The following SEC23IP variants were observed in gnomAD, a reference collection of about 807,000 sequenced individuals.
The protein encoded by SEC23IP is SEC23 interacting protein, also known as SEC23-interacting protein.
Under a neutral mutation model 113.4 loss-of-function variants are expected in SEC23IP, and 70 were observed. The observed-to-expected ratio is 0.62, with a 90% CI of 0.51 to 0.75. The LOEUF is 0.75. Ranked by LOEUF, SEC23IP falls within the 30% of genes least tolerant of loss-of-function variation. The pLI is 0.00. For missense variants in SEC23IP, 1,160 were observed against 1,204.9 expected (o/e 0.96, Z 0.55); for synonymous variants, 398 against 421.0 (o/e 0.95, Z 0.67).
At position 119,919,602 on chromosome 10, in the gene SEC23IP, G is replaced by T; in HGVS notation, c.2025+6G>T. 6.4e-7 allele frequency: 1 copy of T among 1,564,104 alleles called. No individual in the cohort carries two copies. Among genetic ancestry groups the T allele is most frequent in the South Asian group, 1.2e-5 (1 of 81,708 alleles). The stretch of plus-strand genomic sequence containing the variant: ...AGATTGATATGGAGTCCCTGGTACT[G>T]ATCATAGTTTGCTTCATTTTGTTTG... On this transcript the variant is annotated splice_donor_region_variant and intron_variant, in intron 11 of 18. Coordinates refer to ENST00000369075, the MANE Select transcript of SEC23IP (RefSeq NM_007190.4).
intron 4 of SEC23IP, among the ~76,000 whole-genome samples, chr10:119,905,270 T>C (rs1046049058): frequency 1.3e-5 from 2 of 152,210 alleles, no homozygotes; most frequent in Non-Finnish European, 1.5e-5. Context: ...TATATTGTAA[T>C]TTTTGGTACC....
chr10:119,909,068 A>C lies in SEC23IP; in HGVS notation c.1129A>C (p.Asn377His), dbSNP rs761050395. 19 of 1,612,708 alleles carry C rather than the reference A, an allele frequency of 1.2e-5. No homozygotes were observed. The East Asian group carries it at 4.0e-4, about 34-fold the overall frequency. ...EAEYKKAVTT[N>H]QWHRRLEFPS... ...TGAATATAAAAAAGCTGTAACCACTAATCAGTGGCACCGAAGATTAGAGTT... is the reference window on the plus strand; with the variant it reads ...TGAATATAAAAAAGCTGTAACCACTCATCAGTGGCACCGAAGATTAGAGTT... The change falls in exon 5 of 19, where the codon AAT (asparagine) becomes CAT (histidine). Residue 377 changes from asparagine (N) to histidine (H), a missense_variant. Coordinates refer to ENST00000369075, the MANE Select transcript of SEC23IP (RefSeq NM_007190.4).
intron 8 of SEC23IP, among the ~76,000 whole-genome samples, chr10:119,916,197 C>G (rs1225238289): frequency 1.3e-5 from 2 of 152,020 alleles, no homozygotes. Context: ...GGGCTTTCCA[C>G]CCCAACAAAA....
rs895608931 is a variant in SEC23IP, at chr10:119,941,172, C to T, written c.*607C>T. 3.3e-5 allele frequency: 5 copies of T among 152,104 alleles called. No homozygotes were observed. In the East Asian group the frequency reaches 7.7e-4, roughly 23 times the overall value. 9.4% of individuals were successfully genotyped at this position (152,104 alleles called of 1,614,324 possible). A position where few individuals can be genotyped will look rare whatever the true frequency, so the allele number is the denominator to read the frequency against. On this transcript the variant is annotated 3_prime_UTR_variant, in exon 19 of 19. Coordinates refer to ENST00000369075, the MANE Select transcript of SEC23IP (RefSeq NM_007190.4). ...TCTGAGGTTTTATAAATCCCTCAAA[C>T]GATTGCTGAGAGCCTGATTGTGGAA...
chr10:119,918,632 A>G, intron 10 of SEC23IP, 121 bp downstream of exon 10: 1 of 576,778 alleles, frequency 1.7e-6, no homozygotes, highest in Non-Finnish European at 3.1e-6. Flanking sequence ...GTTTGTTTTA[A>G]CTGAGCCTCA....
At chr10:119,926,281 T>C in intron 13 of SEC23IP, 54 bp downstream of exon 13, 1 of 1,482,992 alleles carries the variant, frequency 6.7e-7, no homozygotes. Flanking sequence ...TCATAATCTT[T>C]ATCATTTGGG....
intron 12 of SEC23IP, among the ~76,000 whole-genome samples, chr10:119,922,010 T>C (rs776835268): frequency 2.4e-4 from 36 of 152,190 alleles, no homozygotes; most frequent in Non-Finnish European, 4.7e-4. Flanking sequence ...GCTACCTCTT[T>C]TGAGTCAGGC....
chr10:119,929,602 T>C lies in SEC23IP; in HGVS notation c.2314-5T>C, dbSNP rs746298681. ...CATCTTTCATTGTTATTTGATTCTT[T>C]CCAGGTTTCTGTTGCTTACAACTCA... On this transcript the variant is annotated splice_region_variant and splice_polypyrimidine_tract_variant and intron_variant, in intron 13 of 18. Coordinates refer to ENST00000369075, the MANE Select transcript of SEC23IP (RefSeq NM_007190.4). 3.7e-6 allele frequency: 6 copies of C among 1,602,446 alleles called. No homozygotes were observed. The South Asian group carries it at 6.7e-5, about 18-fold the overall frequency.
intron 12 of SEC23IP, 47 bp from the exon 13 acceptor site, chr10:119,925,989 C>A (rs1173543938): frequency 6.7e-7 from 1 of 1,495,632 alleles, no homozygotes; most frequent in East Asian, 2.4e-5. Flanking sequence ...TAGCTGAGAG[C>A]TGAACTTTTT....
Position 119,898,785 on chromosome 10 carries a change from A to G in SEC23IP, c.522A>G (p.Gly174=). 2.5e-6 allele frequency: 4 copies of G among 1,614,152 alleles called. No individual in the cohort carries two copies. The highest frequency in any genetic ancestry group is 3.4e-6 in the Non-Finnish European group (4 of 1,180,026). Reference sequence around the variant, plus strand: ...CATATTTTGGGAACCAACCCCAAGGAATTCCCCAACCAGGATACAATCCAT... The same window carrying G: ...CATATTTTGGGAACCAACCCCAAGGGATTCCCCAACCAGGATACAATCCAT... The part of the protein sequence containing the change: ...PPSYFGNQPQ[G]IPQPGYNPYR... The change falls in exon 2 of 19, where the codon GGA becomes GGG. Residue 174 remains glycine (G), a synonymous_variant. Coordinates refer to ENST00000369075, the MANE Select transcript of SEC23IP (RefSeq NM_007190.4).
rs750529858 is a variant in SEC23IP, at chr10:119,929,663, G to A, written c.2370G>A (p.Gly790=). ...AACCAGAGATATTCTTTGCCTTGGG[G>A]TCTCCAATTGCTATGTTTCTCACTA... ...DFEPEIFFAL[G]SPIAMFLTIR... is the part of the protein sequence containing the mutation. The change falls in exon 14 of 19, where the codon GGG becomes GGA. Residue 790 remains glycine, a synonymous_variant. Coordinates refer to ENST00000369075, the MANE Select transcript of SEC23IP (RefSeq NM_007190.4). 44 of 1,607,588 alleles carry A rather than the reference G, an allele frequency of 2.7e-5. No individual in the cohort carries two copies. The highest frequency in any genetic ancestry group is 2.5e-4 in the South Asian group (23 of 90,952).
intron 1 of SEC23IP, among the ~76,000 whole-genome samples, chr10:119,896,585 C>T (rs896250050): frequency 1.3e-5 from 2 of 152,124 alleles, no homozygotes; most frequent in African/African-American, 4.8e-5. Flanking sequence ...TTGGGAGTGT[C>T]ACAAATATAC....
Position 119,926,238 on chromosome 10 carries a change from AT to A in SEC23IP, c.2313+12del, listed in dbSNP as rs1564921457. On this transcript the variant is annotated intron_variant, in intron 13 of 18. Coordinates refer to ENST00000369075, the MANE Select transcript of SEC23IP (RefSeq NM_007190.4). ...GTTGGCGCCGGACAGGTGAGTTTAC[AT>A]ATTGACTGGGGCTACATAGTTCATG... 2.5e-6 allele frequency: 4 copies of A among 1,612,688 alleles called. No homozygotes were observed. The African/African-American group carries it at 4.0e-5, about 16-fold the overall frequency.
intron 1 of SEC23IP, among the ~76,000 whole-genome samples, chr10:119,896,885 A>G (rs1364495527): frequency 1.3e-5 from 2 of 152,168 alleles, no homozygotes; most frequent in African/African-American, 2.4e-5. Flanking sequence ...GAAATATATC[A>G]GAGAAGTGGA....
At chr10:119,907,748 C>T (rs1304291560) in intron 4 of SEC23IP, among the ~76,000 whole-genome samples, 6 of 152,102 alleles carry the variant, frequency 3.9e-5, no homozygotes, top group Admixed American at 6.5e-5. Context: ...GTCAGGAGTT[C>T]GAGACCAGCG....
intron 2 of SEC23IP, among the ~76,000 whole-genome samples, chr10:119,899,692 C>T (rs1202699829): frequency 6.6e-6 from 1 of 151,996 alleles, no homozygotes; most frequent in Admixed American, 6.6e-5. Flanking sequence ...TGTTGGATTT[C>T]GGCATTCTGA....
chr10:119,915,116 A>T (rs1386622777), intron 7 of SEC23IP, among the ~76,000 whole-genome samples: 1 of 152,170 alleles, frequency 6.6e-6, no homozygotes, highest in South Asian at 2.1e-4. Flanking sequence ...CATTGAATGG[A>T]TTTATAGTCA....
At position 119,897,050 on chromosome 10, in the gene SEC23IP, A is replaced by G. The variant is rs1854305186; in HGVS notation, c.164-1377A>G. On this transcript the variant is annotated intron_variant, in intron 1 of 18. Coordinates refer to ENST00000369075, the MANE Select transcript of SEC23IP (RefSeq NM_007190.4). ...CTCAAGAAGCTCAAGCCCTAGTCTC[A>G]GCAGAGGTCAAGAAGCTTGGAGCCC... 2.0e-5 allele frequency among the ~76,000 whole-genome samples: 3 copies of G among 152,236 alleles called. No individual in the cohort carries two copies. In the South Asian group the frequency reaches 6.2e-4, roughly 31 times the overall value.
chr10:119,930,439 G>A lies in SEC23IP; in HGVS notation c.2572+8G>A. The stretch of plus-strand genomic sequence containing the variant: ...GAAAAAGACTTCATTTAGGTAAAAA[G>A]CAAATACTATAAAAACTTTTTTTCC... On this transcript the variant is annotated splice_region_variant and intron_variant, in intron 15 of 18. Coordinates refer to ENST00000369075, the MANE Select transcript of SEC23IP (RefSeq NM_007190.4). 6.4e-7 allele frequency: 1 copy of A among 1,551,260 alleles called. No individual in the cohort carries two copies. The highest frequency in any genetic ancestry group is 8.9e-7 in the Non-Finnish European group (1 of 1,129,624).
Sources: gnomAD v4.1 joint callset for allele counts (sites outside exome capture counted in the v4.1 genomes callset) on GRCh38, gnomAD v4.1.1 for gene constraint, MANE v1.5 for transcripts, NCBI Gene and HGNC (gene_info 2026-07-23, HGNC 2026-07-21) for gene names.